Variants in SLC6A3 observed in about 807,000 individuals in gnomAD.
SLC6A3 encodes the protein solute carrier family 6 member 3.
Under a neutral mutation model 70.4 loss-of-function variants are expected in SLC6A3, and 19 were observed. The ratio of observed to expected loss-of-function variants is 0.27; its 90% confidence interval spans 0.19 to 0.40. The LOEUF (loss-of-function observed/expected upper bound fraction) is 0.40. SLC6A3 is among the 10% of genes least tolerant of loss of function. The pLI is 1.00. For synonymous variants in SLC6A3, 368 were observed against 356.6 expected (o/e 1.03, Z -0.36); for missense variants, 613 against 838.5 (o/e 0.73, Z 3.32).
At chr5:1,410,830 ATGTGTGTGTTCG>A (rs1756099989) in intron 9 of SLC6A3, among the ~76,000 whole-genome samples, 1 of 151,346 alleles carries the variant, frequency 6.6e-6, no homozygotes, top group Non-Finnish European at 1.5e-5. Flanking sequence ...GCGTGTGTGC[ATGTGTGTGTTCG>A]TGTGTGTTCA....
At position 1,442,046 on chromosome 5, in the gene SLC6A3, C is replaced by G. The variant is rs377218339; in HGVS notation, c.287-556G>C. Among the ~76,000 whole-genome samples, 3 of 152,166 alleles carry G rather than the reference C, an allele frequency of 2.0e-5. No individual in the cohort carries two copies. Among genetic ancestry groups the G allele is most frequent in the Admixed American group, 6.5e-5 (1 of 15,282 alleles). On this transcript the variant is annotated intron_variant, in intron 2 of 14. Coordinates refer to ENST00000270349, the MANE Select transcript of SLC6A3 (RefSeq NM_001044.5). The surrounding 1 kb of genome is among the most constrained non-coding windows in gnomAD (Gnocchi z 5.0). The stretch of plus-strand genomic sequence containing the variant: ...GTTCCTCTGAAACCTGCACCTCCCC[C>G]ACCCCCAGCACAAAGCCCAGGGAAC...
Position 1,408,661 on chromosome 5 carries a change from G to A in SLC6A3, c.1498+365C>T, listed in dbSNP as rs910328265. ...TGGAGCTCTGGTCAGCAGGGAAGGC[G>A]ATGACGGCACCTTTGAAAGGCACCA... is the stretch of plus-strand genomic sequence containing the variant. On this transcript the variant is annotated intron_variant, in intron 11 of 14. Coordinates refer to ENST00000270349, the MANE Select transcript of SLC6A3 (RefSeq NM_001044.5). This position sits in a 1 kb window ranked among gnomAD's most constrained non-coding sequence, Gnocchi z 6.4. 1.1e-4 allele frequency among the ~76,000 whole-genome samples: 16 copies of A among 152,206 alleles called. No homozygotes were observed. Among genetic ancestry groups the A allele is most frequent in the African/African-American group, 3.9e-4 (16 of 41,450 alleles).
intron 14 of SLC6A3, among the ~76,000 whole-genome samples, chr5:1,400,093 T>C (rs1579698832): frequency 6.6e-6 from 1 of 152,330 alleles, no homozygotes; most frequent in Non-Finnish European, 1.5e-5. Flanking sequence ...TCTCTCCCTT[T>C]TGCTGTGCAT....
chr5:1,424,060 C>G (rs1683766858), intron 4 of SLC6A3, among the ~76,000 whole-genome samples: 1 of 152,228 alleles, frequency 6.6e-6, no homozygotes, highest in Non-Finnish European at 1.5e-5. Context: ...AGGGAAGGCC[C>G]CACGAGCCCT....
chr5:1,412,523 G>C (rs1300749141), intron 8 of SLC6A3, among the ~76,000 whole-genome samples: 1 of 152,242 alleles, frequency 6.6e-6, no homozygotes, highest in East Asian at 1.9e-4. Context: ...CTACCAGCAG[G>C]CAGACTCGGA....
chr5:1,423,745 T>C (rs1447422148), intron 4 of SLC6A3, among the ~76,000 whole-genome samples: 1 of 152,202 alleles, frequency 6.6e-6, no homozygotes, highest in African/African-American at 2.4e-5. Context: ...CCAGGCTACA[T>C]GCAGTCAGCT....
In SLC6A3 at chr5:1,443,151, G is replaced by C; in HGVS notation, c.47C>G (p.Ala16Gly). ...CACGGCATTGGGCTCCTTAGCCGGG[G>C]CCACCACGGAAGACATGAGTCCCAC... ...CSVGLMSSVVAPAKEPNAVGP... is the reference protein window; with the variant it reads ...CSVGLMSSVVGPAKEPNAVGP... Residue 16 changes from alanine (A) to glycine (G), a missense_variant, in exon 2 of 15, where the codon GCC becomes GGC. Physicochemically the swap from Ala to Gly is moderately conservative, Grantham distance 60. Transcript: ENST00000270349. 2 of 1,614,216 alleles carry C rather than the reference G, an allele frequency of 1.2e-6. No individual in the cohort carries two copies.
intron 3 of SLC6A3, among the ~76,000 whole-genome samples, chr5:1,439,052 C>T (rs561823887): frequency 7.9e-5 from 12 of 152,330 alleles, no homozygotes; most frequent in African/African-American, 1.9e-4. Context: ...ACACAGGTAA[C>T]GCGTGTGTCT....
Position 1,396,185 on chromosome 5 carries a change from A to G in SLC6A3, c.1840-1427T>C, listed in dbSNP as rs1028380680. 7.9e-5 allele frequency among the ~76,000 whole-genome samples: 12 copies of G among 152,238 alleles called. No homozygotes were observed. The highest frequency in any genetic ancestry group is 6.5e-5 in the Admixed American group (1 of 15,288). ...CAGGGCAGTGGAATGCGGAGCGTCC[A>G]TAGCTGAGCTGTGGTTTGTTCACGT... On this transcript the variant is annotated intron_variant, in intron 14 of 14. Transcript: ENST00000270349. This position sits in a 1 kb window ranked among gnomAD's most constrained non-coding sequence, Gnocchi z 7.0.
In SLC6A3 at chr5:1,423,223, G is replaced by A. The variant is rs377698010; in HGVS notation, c.654-1209C>T. Among the ~76,000 whole-genome samples the A allele has an allele frequency of 2.4e-4, 17 of 70,326 alleles. 4 individuals are homozygous for A. The highest frequency in any genetic ancestry group is 2.2e-3 in the Admixed American group (13 of 5,982). The allele number at this position is 70,326 out of a possible 152,430, so 46.1% of individuals were successfully genotyped here. A position where few individuals can be genotyped will look rare whatever the true frequency, so the allele number is the denominator to read the frequency against. On this transcript the variant is annotated intron_variant, in intron 4 of 14. Transcript: ENST00000270349. ...CTGCCCATGGTGCTGGGTACCCACC[G>A]CTGCCCACGGTGCTGCCCATGGTGC...
chr5:1,412,112 C>T (rs918767333), intron 8 of SLC6A3, among the ~76,000 whole-genome samples: 3 of 152,380 alleles, frequency 2.0e-5, no homozygotes, highest in Admixed American at 6.5e-5. Context: ...GGGATACATT[C>T]CTGACCTCCG....
chr5:1,444,248 C>A (rs1376110366), intron 1 of SLC6A3, among the ~76,000 whole-genome samples: 1 of 152,134 alleles, frequency 6.6e-6, no homozygotes, highest in Non-Finnish European at 1.5e-5. Context: ...GCTACATAAA[C>A]CCCCCTGCAA....
rs1309682707 is a variant in SLC6A3, at chr5:1,411,945, CA to C, written c.1157-591del. On this transcript the variant is annotated intron_variant, in intron 8 of 14. Coordinates refer to ENST00000270349, the MANE Select transcript of SLC6A3 (RefSeq NM_001044.5). The surrounding 1 kb of genome is among the most constrained non-coding windows in gnomAD (Gnocchi z 6.5). ...ACATGCGCGCACATGCACGAACACT[CA>C]TTTGTGCATTCAAACTCATACATGC... is the stretch of plus-strand genomic sequence containing the variant. 6.6e-6 allele frequency among the ~76,000 whole-genome samples: 1 copy of C among 152,142 alleles called. No homozygotes were observed. Among genetic ancestry groups the C allele is most frequent in the African/African-American group, 2.4e-5 (1 of 41,410 alleles).
At chr5:1,433,431 CCA>C (rs760588470) in intron 3 of SLC6A3, among the ~76,000 whole-genome samples, 11 of 152,026 alleles carry the variant, frequency 7.2e-5, no homozygotes, top group Non-Finnish European at 1.5e-4. Flanking sequence ...CCACATATGG[CCA>C]CCCAGGCTAA....
At position 1,408,965 on chromosome 5, in the gene SLC6A3, G is replaced by C; in HGVS notation, c.1498+61C>G. The C allele has an allele frequency of 8.4e-7, 1 of 1,188,254 alleles. No homozygotes were observed. The highest frequency in any genetic ancestry group is 1.3e-6 in the Non-Finnish European group (1 of 798,222). The allele number at this position is 1,188,254 out of a possible 1,614,324, so 73.6% of individuals were successfully genotyped here. On this transcript the variant is annotated intron_variant, in intron 11 of 14. Transcript: ENST00000270349. The surrounding 1 kb of genome is among the most constrained non-coding windows in gnomAD (Gnocchi z 6.4). ...TTTCCTCACGGAGCCTTTTTCAGAA[G>C]GGGAGTGGCACAGCCACCAAACAAG...
Position 1,414,740 on chromosome 5 carries a change from C to T in SLC6A3, c.1107G>A (p.Gly369=), listed in dbSNP as rs759094634. 2 of 1,612,760 alleles carry T rather than the reference C, an allele frequency of 1.2e-6. No individual in the cohort carries two copies. Among genetic ancestry groups the T allele is most frequent in the East Asian group, 2.2e-5 (1 of 44,880 alleles). ...GCACACTGTGCTTCTGTGCCATGTA[C>T]CCCAGGAAGGAGAAGACGACGAAGC... ...SSGFVVFSFL[G]YMAQKHSVPI... Residue 369 remains glycine, a synonymous_variant, in exon 8 of 15, where the codon GGG becomes GGA. Transcript: ENST00000270349.
At chr5:1,441,072 G>A (rs1733647134) in intron 3 of SLC6A3, among the ~76,000 whole-genome samples, 1 of 152,254 alleles carries the variant, frequency 6.6e-6, no homozygotes, top group African/African-American at 2.4e-5. Context: ...GTAGATGGCA[G>A]ATCCATAGAT....
Position 1,396,001 on chromosome 5 carries a change from C to T in SLC6A3, c.1840-1243G>A, listed in dbSNP as rs1755709394. Reference sequence around the variant, plus strand: ...AGACCTCAATTTGACCCCAAAGGACCAGAGCTGTTGCAACAGATTACAGGA... The same window carrying T: ...AGACCTCAATTTGACCCCAAAGGACTAGAGCTGTTGCAACAGATTACAGGA... On this transcript the variant is annotated intron_variant, in intron 14 of 14. Transcript: ENST00000270349. The surrounding 1 kb of genome is among the most constrained non-coding windows in gnomAD (Gnocchi z 7.0). 6.6e-6 allele frequency among the ~76,000 whole-genome samples: 1 copy of T among 152,180 alleles called. No homozygotes were observed. The highest frequency in any genetic ancestry group is 2.4e-5 in the African/African-American group (1 of 41,438).
In SLC6A3 at chr5:1,436,006, T is replaced by C. The variant is rs1352316002; in HGVS notation, c.419-3308A>G. 2.2e-5 allele frequency among the ~76,000 whole-genome samples: 3 copies of C among 134,968 alleles called. No homozygotes were observed. The highest frequency in any genetic ancestry group is 3.2e-5 in the Non-Finnish European group (2 of 63,298). 88.5% of individuals were successfully genotyped at this position (134,968 alleles called of 152,430 possible). ...TGAACAGTGGTGGCCAGTCCCCTCC[T>C]GGATGCTTCCCTGGGCACCTGGGTG... On this transcript the variant is annotated intron_variant, in intron 3 of 14. Transcript: ENST00000270349. The surrounding 1 kb of genome is among the most constrained non-coding windows in gnomAD (Gnocchi z 5.2).
Sources: gnomAD v4.1 joint callset for allele counts (sites outside exome capture counted in the v4.1 genomes callset) on GRCh38, gnomAD v4.1.1 for gene constraint, Gnocchi (gnomAD v3.1) non-coding constraint, MANE v1.5 for transcripts, NCBI Gene and HGNC (gene_info 2026-07-23, HGNC 2026-07-21) for gene names.